The following STON2 variants were observed in gnomAD, a reference collection of about 807,000 sequenced individuals.
The protein encoded by STON2 is stonin 2, also known as stonin-2.
Under a neutral mutation model 65.7 loss-of-function variants are expected in STON2, and 29 were observed. The ratio of observed to expected loss-of-function variants is 0.44; its 90% CI spans 0.33 to 0.60. STON2 has a LOEUF of 0.60. Ranked by LOEUF, STON2 falls within the 20% of genes least tolerant of loss-of-function variation. The pLI is 0.03. For synonymous variants in STON2, 404 were observed against 414.2 expected (o/e 0.98, Z 0.30); for missense variants, 1,054 against 1,118.1 (o/e 0.94, Z 0.82).
chr14:81,421,005 T>C (rs1166222908), intron 2 of STON2, among the ~76,000 whole-genome samples: 1 of 151,940 alleles, frequency 6.6e-6, no homozygotes, highest in African/African-American at 2.4e-5. Flanking sequence ...AGGCATGATG[T>C]GAAGGGAGGA....
intron 2 of STON2, among the ~76,000 whole-genome samples, chr14:81,405,460 GT>G (rs376505307): frequency 2.0e-3 from 129 of 63,300 alleles, no homozygotes; most frequent in Non-Finnish European, 3.0e-3. Context: ...AGTTACTATT[GT>G]TTTTTTTTTT....
chr14:81,296,192 A>C (rs576967744), intron 5 of STON2, among the ~76,000 whole-genome samples: 5 of 152,314 alleles, frequency 3.3e-5, no homozygotes, highest in Non-Finnish European at 5.9e-5. Flanking sequence ...CAGGACATTA[A>C]ATGTATTTAA....
In STON2 at chr14:81,261,942, GATAAA is replaced by G; in HGVS notation, c.*6467_*6471del. Reference sequence around the variant, plus strand: ...GTCTGTTTCTGTTGTCTGGGGAAATGATAAAAAAAAAAAAAAAAAAGAGAGAGATG... The same window carrying G: ...GTCTGTTTCTGTTGTCTGGGGAAATGAAAAAAAAAAAAAAAGAGAGAGATG... On this transcript the variant is annotated 3_prime_UTR_variant, in exon 8 of 8. Transcript: ENST00000614646. The G allele has an allele frequency of 1.0e-6, 1 of 963,700 alleles. No individual in the cohort carries two copies. The highest frequency in any genetic ancestry group is 1.3e-6 in the Non-Finnish European group (1 of 774,670). 59.7% of individuals were successfully genotyped at this position (963,700 alleles called of 1,614,324 possible).
At chr14:81,358,611 T>C (rs1396233390) in intron 4 of STON2, among the ~76,000 whole-genome samples, 1 of 151,928 alleles carries the variant, frequency 6.6e-6, no homozygotes, top group Non-Finnish European at 1.5e-5. Flanking sequence ...AGTGACTGCA[T>C]GGATAAAAAA....
chr14:81,282,283 A>C (rs1249665145), intron 5 of STON2, among the ~76,000 whole-genome samples: 2 of 152,210 alleles, frequency 1.3e-5, no homozygotes, highest in African/African-American at 4.8e-5. Flanking sequence ...TTCACACGGA[A>C]GTTGACTAGG....
intron 6 of STON2, among the ~76,000 whole-genome samples, chr14:81,271,172 C>A (rs889549376): frequency 6.6e-6 from 1 of 152,060 alleles, no homozygotes; most frequent in Non-Finnish European, 1.5e-5. Flanking sequence ...GTGAACACAG[C>A]CCCAACACTA....
At chr14:81,430,559 TG>T (rs1902188084) in intron 1 of STON2, among the ~76,000 whole-genome samples, 1 of 152,216 alleles carries the variant, frequency 6.6e-6, no homozygotes, top group South Asian at 2.1e-4. Context: ...GGCAGCCAGC[TG>T]GGGTGACAAA....
chr14:81,291,858 T>TACAC (rs59366676), intron 5 of STON2, among the ~76,000 whole-genome samples: 4,521 of 137,752 alleles, frequency 0.033, 110 homozygotes, highest in Admixed American at 0.079. Context: ...TTAGCATGGG[T>TACAC]ACACACACAC....
chr14:81,318,165 T>C lies in STON2; in HGVS notation c.742+5852A>G, dbSNP rs1294565958. ...TTTTAGTAGAGACGGGGTTTCACCA[T>C]GTTGGCCAGGCTAATCTCGAACTCC... On this transcript the variant is annotated intron_variant, in intron 5 of 7. Coordinates refer to ENST00000614646, the MANE Select transcript of STON2 (RefSeq NM_001394390.1). 2.6e-5 allele frequency among the ~76,000 whole-genome samples: 4 copies of C among 152,234 alleles called. No individual in the cohort carries two copies. The East Asian group carries it at 7.8e-4, about 30-fold the overall frequency.
intron 3 of STON2, among the ~76,000 whole-genome samples, chr14:81,389,410 T>C (rs1416346462): frequency 1.3e-5 from 2 of 152,188 alleles, no homozygotes; most frequent in African/African-American, 4.8e-5. Context: ...GCGTTATCCA[T>C]GCTAAAAAGA....
At chr14:81,390,281 G>C (rs1900018922) in intron 3 of STON2, among the ~76,000 whole-genome samples, 1 of 152,152 alleles carries the variant, frequency 6.6e-6, no homozygotes, top group Non-Finnish European at 1.5e-5. Flanking sequence ...CAGCAGCACA[G>C]GTTGGCTCTG....
At chr14:81,345,024 C>T (rs868532833) in intron 4 of STON2, among the ~76,000 whole-genome samples, 3 of 152,184 alleles carry the variant, frequency 2.0e-5, no homozygotes, top group Non-Finnish European at 4.4e-5. Flanking sequence ...ACTCTTTCCT[C>T]CTTATTACAT....
chr14:81,397,426 C>T (rs1188016029), intron 2 of STON2, among the ~76,000 whole-genome samples: 1 of 152,054 alleles, frequency 6.6e-6, no homozygotes, highest in African/African-American at 2.4e-5. Context: ...AAATTATTAG[C>T]TATTTAATTT....
chr14:81,331,090 T>C (rs542091021), intron 4 of STON2, among the ~76,000 whole-genome samples: 1 of 152,336 alleles, frequency 6.6e-6, no homozygotes, highest in Admixed American at 6.5e-5. Context: ...AACCGGTGTG[T>C]ATGTGTGCAG....
At chr14:81,312,880 T>C (rs906467364) in intron 5 of STON2, among the ~76,000 whole-genome samples, 1 of 152,238 alleles carries the variant, frequency 6.6e-6, no homozygotes, top group African/African-American at 2.4e-5. Context: ...TTCTTTGTGC[T>C]ATTACACAAC....
upstream of STON2, among the ~76,000 whole-genome samples, chr14:81,404,107 G>A (rs574200848): frequency 7.9e-5 from 12 of 152,316 alleles, no homozygotes; most frequent in Admixed American, 3.9e-4. Flanking sequence ...GCTCTTTTGA[G>A]ACGTTAATAA....
intron 5 of STON2, among the ~76,000 whole-genome samples, chr14:81,314,436 C>T (rs1896547629): frequency 6.6e-6 from 1 of 152,200 alleles, no homozygotes; most frequent in African/African-American, 2.4e-5. Context: ...TGAAGAAAGG[C>T]TCAATATGTC....
At chr14:81,305,947 T>C (rs181151662) in intron 5 of STON2, among the ~76,000 whole-genome samples, 1 of 152,174 alleles carries the variant, frequency 6.6e-6, no homozygotes, top group East Asian at 1.9e-4. Context: ...TTCATGAAGA[T>C]AGTGGTACTC....
intron 5 of STON2, among the ~76,000 whole-genome samples, chr14:81,313,807 A>AT: frequency 1.1e-5 from 1 of 87,866 alleles, no homozygotes; most frequent in African/African-American, 5.4e-5. Context: ...AAAAAAAAAA[A>AT]AATACACACA....
Sources: allele counts gnomAD v4.1 joint callset (sites outside exome capture counted in the v4.1 genomes callset), GRCh38; gene constraint gnomAD v4.1.1; transcripts MANE v1.5; gene names NCBI Gene and HGNC (gene_info 2026-07-23, HGNC 2026-07-21).